The following EPHA6 variants were observed in gnomAD, a reference collection of about 807,000 sequenced individuals.
EPHA6 encodes EPH receptor A6, also known as ephrin type-A receptor 6.
EPHA6 carries 50 observed loss-of-function variants against 112.0 expected under a neutral mutation model. The observed-to-expected ratio is 0.45, with a 90% CI of 0.36 to 0.56. The LOEUF (loss-of-function observed/expected upper bound fraction) is 0.56. EPHA6 is among the 20% of genes least tolerant of loss of function. The probability of loss-of-function intolerance (pLI) is 0.00; values close to 1 mark genes in which losing one functional copy is unlikely to be tolerated. For missense variants in EPHA6, 1,280 were observed against 1,417.4 expected, an observed-to-expected ratio of 0.90 and a Z score of 1.56; for synonymous variants, 529 against 490.7, an observed-to-expected ratio of 1.08 and a Z score of -1.03.
intron 14 of EPHA6, among the ~76,000 whole-genome samples, chr3:97,695,697 T>C (rs2032989105): frequency 6.6e-6 from 1 of 152,180 alleles, no homozygotes; most frequent in African/African-American, 2.4e-5. Flanking sequence ...AGTGCCACCA[T>C]GCCCAGCTAA....
At chr3:97,015,992 A>G (rs1327008166) in intron 3 of EPHA6, among the ~76,000 whole-genome samples, 1 of 151,246 alleles carries the variant, frequency 6.6e-6, no homozygotes, top group Non-Finnish European at 1.5e-5. Flanking sequence ...TACTTGCACT[A>G]TTTGGCTAAC....
intron 5 of EPHA6, among the ~76,000 whole-genome samples, chr3:97,386,948 C>T (rs1433681894): frequency 2.0e-5 from 3 of 152,206 alleles, no homozygotes; most frequent in Admixed American, 2.0e-4. Context: ...GGGCTTGCAC[C>T]CCCTGAAGCA....
At chr3:96,929,646 T>C (rs2040215812) in intron 2 of EPHA6, among the ~76,000 whole-genome samples, 1 of 152,224 alleles carries the variant, frequency 6.6e-6, no homozygotes, top group African/African-American at 2.4e-5. Context: ...TCTTTCTGGC[T>C]GCTCTTAACA....
chr3:97,545,690 G>C (rs2092934751), intron 11 of EPHA6, among the ~76,000 whole-genome samples: 1 of 152,150 alleles, frequency 6.6e-6, no homozygotes, highest in Admixed American at 6.5e-5. Flanking sequence ...TTATTATTGT[G>C]TGGGAGTCTA....
chr3:96,849,298 A>G (rs1559770617), intron 1 of EPHA6, among the ~76,000 whole-genome samples: 1 of 152,128 alleles, frequency 6.6e-6, no homozygotes, highest in Non-Finnish European at 1.5e-5. Context: ...CTGACTTGGT[A>G]TTTATTCATT....
rs1379536692 is a variant in EPHA6, at chr3:97,752,623, AG to A, written c.*3923del. ...GCTTGGGGCAGGGGGATGTTGCAAA[AG>A]CTATAATATTTTGGGTTCTATCACA... On this transcript the variant is annotated 3_prime_UTR_variant, in exon 18 of 18. Coordinates refer to ENST00000389672, the MANE Select transcript of EPHA6 (RefSeq NM_001080448.3). Among the ~76,000 whole-genome samples the A allele has an allele frequency of 2.6e-5, 4 of 152,074 alleles. No homozygotes were observed. Among genetic ancestry groups the A allele is most frequent in the Non-Finnish European group, 5.9e-5 (4 of 67,958 alleles).
intron 13 of EPHA6, among the ~76,000 whole-genome samples, chr3:97,627,595 C>T (rs2107524409): frequency 6.6e-6 from 1 of 151,878 alleles, no homozygotes. Flanking sequence ...TTTCCTAAAA[C>T]AATGCCAAAT....
Position 97,532,460 on chromosome 3 carries a change from GAA to G in EPHA6, c.2304_2305del (p.Asp770PhefsTer6). 2 of 1,612,596 alleles carry G rather than the reference GAA, an allele frequency of 1.2e-6. No individual in the cohort carries two copies. Among genetic ancestry groups the G allele is most frequent in the South Asian group, 2.2e-5 (2 of 91,024 alleles). On this transcript the variant is annotated frameshift_variant, in exon 11 of 18. Transcript: ENST00000389672. LOFTEE classifies it high-confidence loss of function. ...AAAGGTGGCCACATGGATCGGCAAAGAAGAGATTTTCTAAGAGAAGCTAGTAT... is the reference window on the plus strand; with the variant it reads ...AAAGGTGGCCACATGGATCGGCAAAGGAGATTTTCTAAGAGAAGCTAGTAT...
At chr3:97,218,113 A>C (rs933137314) in intron 3 of EPHA6, among the ~76,000 whole-genome samples, 1 of 152,024 alleles carries the variant, frequency 6.6e-6, no homozygotes, top group Non-Finnish European at 1.5e-5. Flanking sequence ...CTCTACAAAA[A>C]ATACAAAAAT....
chr3:96,903,401 C>A (rs2038729181), intron 2 of EPHA6, among the ~76,000 whole-genome samples: 1 of 152,054 alleles, frequency 6.6e-6, no homozygotes, highest in Non-Finnish European at 1.5e-5. Flanking sequence ...GTTATATTTT[C>A]TTGGAAAATC....
chr3:96,948,056 A>G (rs2041361626), intron 2 of EPHA6, among the ~76,000 whole-genome samples: 2 of 152,168 alleles, frequency 1.3e-5, no homozygotes, highest in African/African-American at 2.4e-5. Flanking sequence ...TCTGTTGTGG[A>G]TGTACCTGGG....
At chr3:97,122,883 A>C (rs1302271218) in intron 3 of EPHA6, among the ~76,000 whole-genome samples, 1 of 152,066 alleles carries the variant, frequency 6.6e-6, no homozygotes, top group Non-Finnish European at 1.5e-5. Flanking sequence ...TTTATGAAAA[A>C]TAAAAGAGGT....
chr3:96,962,036 T>C (rs2041962908), intron 2 of EPHA6, among the ~76,000 whole-genome samples: 1 of 152,158 alleles, frequency 6.6e-6, no homozygotes, highest in Admixed American at 6.5e-5. Flanking sequence ...ACACGTCTCA[T>C]GTACTAAATT....
intron 16 of EPHA6, 45 bp from the exon 17 acceptor site, chr3:97,747,378 C>T (rs1473545946): frequency 2.8e-6 from 4 of 1,422,960 alleles, no homozygotes; most frequent in Non-Finnish European, 3.7e-6. Context: ...CTTTATTTGG[C>T]TTTTAAATGC....
chr3:97,083,932 A>C (rs2108206952), intron 3 of EPHA6, among the ~76,000 whole-genome samples: 1 of 151,650 alleles, frequency 6.6e-6, no homozygotes, highest in Admixed American at 6.6e-5. Flanking sequence ...TTGAGCTAGA[A>C]AGATGTCCAT....
At chr3:96,960,403 C>T (rs562546645) in intron 2 of EPHA6, among the ~76,000 whole-genome samples, 43 of 152,242 alleles carry the variant, frequency 2.8e-4, no homozygotes, top group South Asian at 6.2e-4. Flanking sequence ...CTTGGCTTCC[C>T]GTTTTGCCAC....
At chr3:97,594,919 C>T (rs973038200) in intron 12 of EPHA6, among the ~76,000 whole-genome samples, 1 of 152,144 alleles carries the variant, frequency 6.6e-6, no homozygotes, top group Admixed American at 6.5e-5. Flanking sequence ...TTTTAAGGGT[C>T]ACATAAGACA....
intron 3 of EPHA6, among the ~76,000 whole-genome samples, chr3:97,094,054 A>G (rs1312804970): frequency 6.6e-6 from 1 of 152,124 alleles, no homozygotes. Context: ...TGACCCTTAC[A>G]GCGTTAGAAA....
intron 3 of EPHA6, among the ~76,000 whole-genome samples, chr3:97,187,287 C>T (rs938986005): frequency 6.6e-6 from 1 of 151,776 alleles, no homozygotes; most frequent in East Asian, 1.9e-4. Flanking sequence ...CTTAGGAATG[C>T]CATATATAAG....
Sources: gnomAD v4.1 joint callset for allele counts (sites outside exome capture counted in the v4.1 genomes callset) on GRCh38, gnomAD v4.1.1 for gene constraint, MANE v1.5 for transcripts, NCBI Gene and HGNC (gene_info 2026-07-23, HGNC 2026-07-21) for gene names.